Variants in IFT43 observed in about 807,000 individuals in gnomAD.
IFT43 encodes the protein intraflagellar transport protein 43 homolog.
In IFT43, 33 loss-of-function variants were observed where a neutral mutation model predicts 32.3. The observed-to-expected ratio is 1.02, with a 90% CI of 0.77 to 1.37. IFT43 has a LOEUF of 1.37. Among genes scored for constraint, IFT43 ranks in the 40% most tolerant of loss-of-function variants. IFT43 has a pLI of 0.00. For synonymous variants in IFT43, 93 were observed against 98.2 expected, an observed-to-expected ratio of 0.95 and a Z score of 0.31; for missense variants, 274 against 265.9, an observed-to-expected ratio of 1.03 and a Z score of -0.21.
chr14:76,083,950 G>C (rs1396104997), downstream of IFT43: 2 of 465,302 alleles, frequency 4.3e-6, no homozygotes, highest in Non-Finnish European at 8.5e-6. Flanking sequence ...CTGGGGTTCT[G>C]GGGCGGGGCC....
intron 3 of IFT43, among the ~76,000 whole-genome samples, chr14:76,045,428 A>G (rs1366419684): frequency 6.6e-5 from 10 of 152,256 alleles, no homozygotes; most frequent in Non-Finnish European, 1.5e-4. Flanking sequence ...CTTCCTGACT[A>G]GAATGAGTTC....
rs190611083 is a variant in IFT43, at chr14:76,007,034, T to C, written c.148-15293T>C. Among the ~76,000 whole-genome samples, 55 of 152,162 alleles carry C rather than the reference T, an allele frequency of 3.6e-4. 1 individual carries two copies. In the East Asian group the frequency reaches 0.01, roughly 29 times the overall value. ...CACCATGCCTGGCTAATTTTTTCTA[T>C]TTTTTGTAGAGATGGGGTCTCACTT... On this transcript the variant is annotated intron_variant, in intron 2 of 8. Transcript: ENST00000314067.
chr14:75,991,390 T>A (rs1406919503), intron 2 of IFT43, among the ~76,000 whole-genome samples: 6 of 20,134 alleles, frequency 3.0e-4, no homozygotes, highest in African/African-American at 7.9e-4. Context: ...TTAACAAGAG[T>A]GTGTGTGTGT....
At chr14:75,994,601 G>A (rs982651076) in intron 2 of IFT43, among the ~76,000 whole-genome samples, 3 of 152,170 alleles carry the variant, frequency 2.0e-5, no homozygotes, top group Non-Finnish European at 4.4e-5. Context: ...GAAAGCTTAT[G>A]ACTACATTTT....
intron 2 of IFT43, among the ~76,000 whole-genome samples, chr14:76,008,491 CAT>C (rs1439521871): frequency 1.3e-5 from 2 of 152,176 alleles, no homozygotes; most frequent in African/African-American, 4.8e-5. Flanking sequence ...TGATCATTCT[CAT>C]TTTACACATG....
intron 2 of IFT43, among the ~76,000 whole-genome samples, chr14:76,002,232 G>C (rs930714339): frequency 4.7e-4 from 72 of 152,166 alleles, no homozygotes; most frequent in Admixed American, 4.3e-3. Context: ...GGGCAACAAG[G>C]GTGAAACTGT....
chr14:76,041,848 C>T (rs1231208466), intron 3 of IFT43, among the ~76,000 whole-genome samples: 5 of 152,122 alleles, frequency 3.3e-5, no homozygotes, highest in African/African-American at 4.8e-5. Context: ...TTTTAGTACA[C>T]GTAGATTTAC....
intron 2 of IFT43, among the ~76,000 whole-genome samples, chr14:76,007,344 T>C (rs1277378425): frequency 6.6e-6 from 1 of 152,200 alleles, no homozygotes; most frequent in Non-Finnish European, 1.5e-5. Context: ...GAGTGGGGAA[T>C]GAAGCCAGGC....
At chr14:76,005,552 C>T (rs966911063) in intron 2 of IFT43, among the ~76,000 whole-genome samples, 44 of 152,176 alleles carry the variant, frequency 2.9e-4, no homozygotes, top group African/African-American at 1.1e-3. Context: ...ATGTACAATT[C>T]AGGTATTGAC....
intron 1 of IFT43, among the ~76,000 whole-genome samples, chr14:75,988,293 C>T (rs1209456641): frequency 1.3e-5 from 2 of 152,180 alleles, no homozygotes; most frequent in East Asian, 1.9e-4. Flanking sequence ...GTAGGAGGAT[C>T]ACTTGAGCCT....
intron 3 of IFT43, among the ~76,000 whole-genome samples, chr14:76,055,554 T>G (rs991330130): frequency 3.3e-5 from 5 of 152,186 alleles, no homozygotes. Context: ...ATTGGTTTCA[T>G]GGCTCACTCG....
chr14:76,028,108 G>A (rs1322103317), intron 3 of IFT43, among the ~76,000 whole-genome samples: 1 of 152,066 alleles, frequency 6.6e-6, no homozygotes, highest in Non-Finnish European at 1.5e-5. Context: ...TATCAAATTA[G>A]GAGGCATGTG....
chr14:76,047,030 G>A (rs1566723667), intron 3 of IFT43, among the ~76,000 whole-genome samples: 1 of 152,198 alleles, frequency 6.6e-6, no homozygotes. Context: ...GAAGGCAGAA[G>A]GGCAACAGGG....
At chr14:76,064,116 G>GTCTTTT (rs1222763718) in intron 5 of IFT43, among the ~76,000 whole-genome samples, 1 of 152,136 alleles carries the variant, frequency 6.6e-6, no homozygotes, top group Non-Finnish European at 1.5e-5. Context: ...TCATTCTCCA[G>GTCTTTT]TCTTTTTCTT....
At position 75,996,400 on chromosome 14, in the gene IFT43, T is replaced by C. The variant is rs187814864; in HGVS notation, c.147+7423T>C. Among the ~76,000 whole-genome samples the C allele has an allele frequency of 2.5e-4, 38 of 152,330 alleles. 1 individual carries two copies. ...GGTTGTTGGAGGGTTAAATAAAATA[T>C]ATAAAGCTCTTAGAGCAGTGCCCAA... On this transcript the variant is annotated intron_variant, in intron 2 of 8. Coordinates refer to ENST00000314067, the MANE Select transcript of IFT43 (RefSeq NM_001102564.3).
At chr14:75,992,903 A>G (rs1390401123) in intron 2 of IFT43, among the ~76,000 whole-genome samples, 1 of 152,182 alleles carries the variant, frequency 6.6e-6, no homozygotes, top group Non-Finnish European at 1.5e-5. Flanking sequence ...GTAAAAGCAC[A>G]GGCCTAGGAG....
chr14:75,987,774 G>A (rs1172105923), intron 1 of IFT43, among the ~76,000 whole-genome samples: 4 of 152,300 alleles, frequency 2.6e-5, no homozygotes, highest in Non-Finnish European at 1.5e-5. Flanking sequence ...CCACCGGAGG[G>A]CCTTGGGAAA....
intron 5 of IFT43, among the ~76,000 whole-genome samples, chr14:76,068,803 C>T (rs1045339712): frequency 4.0e-4 from 61 of 152,134 alleles, no homozygotes; most frequent in African/African-American, 1.4e-3. Context: ...TTTATTTGTT[C>T]GTTCATTTAC....
At chr14:76,042,132 A>G (rs1295274467) in intron 3 of IFT43, among the ~76,000 whole-genome samples, 1 of 151,716 alleles carries the variant, frequency 6.6e-6, no homozygotes, top group East Asian at 1.9e-4. Context: ...ACACACGTAC[A>G]CACATTATTT....
Sources: gnomAD v4.1 joint callset for allele counts (sites outside exome capture counted in the v4.1 genomes callset) on GRCh38, gnomAD v4.1.1 for gene constraint, MANE v1.5 for transcripts, NCBI Gene and HGNC (gene_info 2026-07-23, HGNC 2026-07-21) for gene names.